Variants in CDK7 observed in about 807,000 individuals in gnomAD.
CDK7 encodes cyclin-dependent kinase 7.
In CDK7, 25 loss-of-function variants were observed where a neutral mutation model predicts 49.1. The observed-to-expected ratio is 0.51, with a 90% confidence interval of 0.37 to 0.71. The LOEUF is 0.71. Ranked by LOEUF, CDK7 falls within the 30% of genes least tolerant of loss-of-function variation. The pLI is 0.00. For synonymous variants in CDK7, 107 were observed against 140.0 expected, an observed-to-expected ratio of 0.76 and a Z score of 1.67; for missense variants, 316 against 411.7, an observed-to-expected ratio of 0.77 and a Z score of 2.01.
chr5:69,252,494 CT>C (rs138764556), intron 3 of CDK7, 43 bp downstream of exon 3: 38,473 of 356,638 alleles, frequency 0.11, 2,088 homozygotes, highest in African/African-American at 0.14. Flanking sequence ...AAGTTTTCTC[CT>C]TTTTTTTTTT....
intron 10 of CDK7, among the ~76,000 whole-genome samples, chr5:69,273,260 T>G (rs1751748251): frequency 6.6e-6 from 1 of 152,100 alleles, no homozygotes; most frequent in Non-Finnish European, 1.5e-5. Context: ...GAGTTTACAC[T>G]TATTACACTT....
At chr5:69,249,861 T>C (rs1310237120) in intron 2 of CDK7, among the ~76,000 whole-genome samples, 1 of 152,162 alleles carries the variant, frequency 6.6e-6, no homozygotes, top group Non-Finnish European at 1.5e-5. Context: ...AAACAAAGAC[T>C]GATGCATTCT....
intron 2 of CDK7, among the ~76,000 whole-genome samples, chr5:69,244,529 G>A (rs988633294): frequency 6.6e-6 from 1 of 151,566 alleles, no homozygotes; most frequent in African/African-American, 2.4e-5. Flanking sequence ...CCAGCTACTT[G>A]GGAGGCTGAG....
chr5:69,259,505 C>T (rs2150212014), intron 6 of CDK7, among the ~76,000 whole-genome samples: 2 of 152,138 alleles, frequency 1.3e-5, no homozygotes, highest in Middle Eastern at 3.4e-3. Flanking sequence ...ATAGTAGGAA[C>T]CATTTATTGA....
At chr5:69,249,897 C>T (rs1366620454) in intron 2 of CDK7, among the ~76,000 whole-genome samples, 1 of 152,224 alleles carries the variant, frequency 6.6e-6, no homozygotes, top group East Asian at 1.9e-4. Context: ...CATCTTTCCA[C>T]TCCAGAATTT....
chr5:69,235,751 C>A (rs1017163804), intron 2 of CDK7, among the ~76,000 whole-genome samples: 4 of 152,238 alleles, frequency 2.6e-5, no homozygotes, highest in African/African-American at 9.6e-5. Context: ...ATACCATGAT[C>A]TTTCTAGGTC....
chr5:69,248,802 C>CTTTTTTT (rs70992911), intron 2 of CDK7, among the ~76,000 whole-genome samples: 6 of 92,276 alleles, frequency 6.5e-5, no homozygotes, highest in African/African-American at 9.2e-5. Context: ...TTTTTTTTTT[C>CTTTTTTT]TTTTTTTTTT....
chr5:69,267,291 C>CT (rs1561371580), intron 8 of CDK7, among the ~76,000 whole-genome samples: 5 of 115,460 alleles, frequency 4.3e-5, no homozygotes, highest in Admixed American at 3.2e-4. Context: ...TATAAGGATT[C>CT]CTTTTTTTTT....
chr5:69,235,342 G>A, intron 1 of CDK7, 52 bp from the exon 2 acceptor site: 1 of 1,344,386 alleles, frequency 7.4e-7, no homozygotes, highest in Non-Finnish European at 1.1e-6. Context: ...AATGCAAAAA[G>A]GCAAACACAA....
chr5:69,247,523 T>TA (rs58038232), intron 2 of CDK7, among the ~76,000 whole-genome samples: 2 of 151,862 alleles, frequency 1.3e-5, no homozygotes, highest in Non-Finnish European at 2.9e-5. Context: ...TTTTTTTTTT[T>TA]ATCCATTCAG....
intron 8 of CDK7, among the ~76,000 whole-genome samples, chr5:69,266,541 G>T (rs868070243): frequency 8.5e-5 from 13 of 152,278 alleles, no homozygotes; most frequent in African/African-American, 2.9e-4. Context: ...CCAACGGGAA[G>T]ACATGAGATG....
intron 8 of CDK7, among the ~76,000 whole-genome samples, chr5:69,267,731 G>A (rs1751257681): frequency 6.6e-6 from 1 of 152,052 alleles, no homozygotes; most frequent in Admixed American, 6.6e-5. Flanking sequence ...ACATAGGCTT[G>A]TTCAAATTGG....
intron 2 of CDK7, among the ~76,000 whole-genome samples, chr5:69,241,978 C>A (rs548964785): frequency 3.3e-5 from 5 of 152,188 alleles, no homozygotes; most frequent in East Asian, 3.9e-4. Flanking sequence ...AGAACTCTAC[C>A]CAGTCCAATG....
In CDK7 at chr5:69,254,658, AAT is replaced by A; in HGVS notation, c.221_222del (p.Ile74AsnfsTer5). 6.6e-7 allele frequency: 1 copy of A among 1,520,548 alleles called. No individual in the cohort carries two copies. 94.2% of individuals were successfully genotyped at this position (1,520,548 alleles called of 1,614,324 possible). ...ATTATTACAGGAGCTAAGTCATCCA[AAT>A]ATAATTGGTGTGAGTATGATCAAAA... ...IKLLQELSHP[N>X]IIGLLDAFGH... is the part of the protein sequence containing the mutation. On this transcript the variant is annotated frameshift_variant, in exon 4 of 12. Transcript: ENST00000256443. LOFTEE classifies it high-confidence loss of function.
intron 2 of CDK7, among the ~76,000 whole-genome samples, chr5:69,238,293 T>C (rs1276537985): frequency 6.6e-6 from 1 of 151,762 alleles, no homozygotes; most frequent in African/African-American, 2.4e-5. Context: ...TCCTTTTTTT[T>C]TTTTTTTGAG....
At chr5:69,251,670 G>A (rs542805584) in intron 2 of CDK7, among the ~76,000 whole-genome samples, 68 of 152,124 alleles carry the variant, frequency 4.5e-4, no homozygotes, top group Admixed American at 1.9e-3. Flanking sequence ...ACTTGGGACT[G>A]TAGGCACGTG....
chr5:69,255,680 T>G (rs2291519), intron 5 of CDK7, 152 bp downstream of exon 5: 403,358 of 698,726 alleles, frequency 0.58, 118,072 homozygotes, highest in African/African-American at 0.72. Flanking sequence ...AAAGGATCTC[T>G]AGTTATTTTC....
chr5:69,268,770 C>G (rs984139555), intron 8 of CDK7, among the ~76,000 whole-genome samples: 3 of 141,400 alleles, frequency 2.1e-5, no homozygotes, highest in Non-Finnish European at 4.5e-5. Context: ...GGAGAATGAC[C>G]TGAACCCAGG....
At chr5:69,241,088 G>A (rs1354144431) in intron 2 of CDK7, among the ~76,000 whole-genome samples, 2 of 152,072 alleles carry the variant, frequency 1.3e-5, no homozygotes, top group Non-Finnish European at 2.9e-5. Flanking sequence ...AGATTCTGTT[G>A]GCATATATAC....
Sources: allele counts gnomAD v4.1 joint callset (sites outside exome capture counted in the v4.1 genomes callset), GRCh38; gene constraint gnomAD v4.1.1; transcripts MANE v1.5; gene names NCBI Gene and HGNC (gene_info 2026-07-23, HGNC 2026-07-21).